Variants in SLC22A31 observed in about 807,000 individuals in gnomAD.
The protein encoded by SLC22A31 is putative solute carrier family 22 member 31.
Under a neutral mutation model 27.4 loss-of-function variants are expected in SLC22A31, and 42 were observed. That is an observed-to-expected ratio of 1.53 (90% CI 1.20 to 1.98). SLC22A31 has a LOEUF of 1.98. SLC22A31 is among the 30% of genes most tolerant of loss of function. The pLI, the probability that SLC22A31 is intolerant of heterozygous loss-of-function variation, is 0.00. For synonymous variants in SLC22A31, 290 were observed against 230.8 expected, an observed-to-expected ratio of 1.26 and a Z score of -2.33; for missense variants, 593 against 479.9, an observed-to-expected ratio of 1.24 and a Z score of -2.20.
rs1242838045 is a variant in SLC22A31, at chr16:89,196,126, TG to T, written c.1213del (p.Gln405SerfsTer63). The T allele has an allele frequency of 2.0e-5, 31 of 1,534,684 alleles. No individual in the cohort carries two copies. In the Admixed American group the frequency reaches 5.3e-4, roughly 26 times the overall value. On this transcript the variant is annotated frameshift_variant, in exon 9 of 9. Transcript: ENST00000682282. LOFTEE classifies it low-confidence loss of function (END_TRUNC). ...CAGGCGGTCGGCGTCCTGCAGTGAC[TG>T]GGGCAGCCCCCGGCTTCGGCTCTCA... The part of the protein sequence containing the change: ...LPESRSRGLP[Q>X]SLQDADRLRR...
At chr16:89,198,049 TG>T in intron 7 of SLC22A31, 72 bp downstream of exon 7, 1 of 1,484,784 alleles carries the variant, frequency 6.7e-7, no homozygotes, top group Non-Finnish European at 9.0e-7. Context: ...GTCGGCACTA[TG>T]GCCCCCTGGT....
chr16:89,201,134 G>A, upstream of SLC22A31: 1 of 377,600 alleles, frequency 2.6e-6, no homozygotes, highest in Non-Finnish European at 4.7e-6. Context: ...CCGCCCCGGA[G>A]CAGGAAGCCC....
At position 89,198,720 on chromosome 16, in the gene SLC22A31, C is replaced by G. The variant is rs1410510796; in HGVS notation, c.530G>C (p.Trp177Ser). The G allele has an allele frequency of 7.2e-6, 11 of 1,535,790 alleles. No individual in the cohort carries two copies. In the East Asian group the frequency reaches 2.0e-4, roughly 27 times the overall value. ...CACGCCACTGGCTTCTGCAAAGCGCCACAGGATCTTCCTGGCTCGAGCTAC... is the reference window on the plus strand; with the variant it reads ...CACGCCACTGGCTTCTGCAAAGCGCGACAGGATCTTCCTGGCTCGAGCTAC... ...GQVARARKIL[W>S]RFAEASGVGP... Residue 177 changes from tryptophan to serine, a missense_variant, in exon 5 of 9, where the codon TGG (tryptophan) becomes TCG (serine). Trp to Ser is a radical substitution (Grantham distance 177). Transcript: ENST00000682282.
rs1157656557 is a variant in SLC22A31 at position 89,195,763 on chromosome 16, C to A, written c.*236G>T. The A allele has an allele frequency of 4.4e-6, 2 of 459,748 alleles. No individual in the cohort carries two copies. The highest frequency in any genetic ancestry group is 7.5e-6 in the Non-Finnish European group (2 of 264,964). 28.5% of individuals were successfully genotyped at this position (459,748 alleles called of 1,614,324 possible). Reference sequence around the variant, plus strand: ...GAAGAACCAGGGAGGACGCCAAGTTCCACAGAAGCCTTTATCCTCCACACC... The same window carrying A: ...GAAGAACCAGGGAGGACGCCAAGTTACACAGAAGCCTTTATCCTCCACACC... On this transcript the variant is annotated 3_prime_UTR_variant, in exon 9 of 9. Transcript: ENST00000682282.
chr16:89,198,880 C>T, intron 4 of SLC22A31, 83 bp from the exon 5 acceptor site: 6 of 1,491,816 alleles, frequency 4.0e-6, no homozygotes, highest in Middle Eastern at 1.7e-4. Context: ...CACCCCACCC[C>T]CAGGCTCAGG....
At chr16:89,196,950 A>C (rs1915993941) in intron 8 of SLC22A31, among the ~76,000 whole-genome samples, 1 of 151,634 alleles carries the variant, frequency 6.6e-6, no homozygotes, top group African/African-American at 2.4e-5. Flanking sequence ...ATCTCAAAAA[A>C]AAAAAAAAAG....
Position 89,196,010 on chromosome 16 carries a change from C to T in SLC22A31, c.1330G>A (p.Glu444Lys), listed in dbSNP as rs751321737. The change falls in exon 9 of 9, where the codon GAG (glutamate) becomes AAG (lysine). Residue 444 changes from glutamate to lysine, a missense_variant. By Grantham distance (56) the Glu-to-Lys change is moderately conservative. Coordinates refer to ENST00000682282, the MANE Select transcript of SLC22A31 (RefSeq NM_001384763.1). ...SNSYWAGHTP[E>K]QH ...GCCACCAGGCAGGACTAGTGCTGCT[C>T]GGGGGTGTGGCCGGCCCAGTAGGAG... 9.3e-6 allele frequency: 14 copies of T among 1,509,678 alleles called. No individual in the cohort carries two copies. In the East Asian group the frequency reaches 9.8e-5, roughly 11 times the overall value. The allele number at this position is 1,509,678 out of a possible 1,614,324, so 93.5% of individuals were successfully genotyped here.
intron 5 of SLC22A31, 35 bp from the exon 6 acceptor site, chr16:89,198,585 G>A: frequency 6.6e-7 from 1 of 1,516,740 alleles, no homozygotes; most frequent in Non-Finnish European, 8.8e-7. Flanking sequence ...AGGGGGGTGA[G>A]GAGCTGTGCC....
chr16:89,199,836 C>G lies in SLC22A31; in HGVS notation c.25-20G>C. The G allele has an allele frequency of 2.5e-6, 1 of 401,956 alleles. No homozygotes were observed. The highest frequency in any genetic ancestry group is 3.6e-5 in the East Asian group (1 of 28,082). 24.9% of individuals were successfully genotyped at this position (401,956 alleles called of 1,614,324 possible). A position where few individuals can be genotyped will look rare whatever the true frequency, so the allele number is the denominator to read the frequency against. On this transcript the variant is annotated intron_variant, in intron 1 of 8. Coordinates refer to ENST00000682282, the MANE Select transcript of SLC22A31 (RefSeq NM_001384763.1). Reference sequence around the variant, plus strand: ...GTTCCACTATGGGGAACAGCAGCCACGTGGAGGCCAGCTCAGGACCCTCCC... The same window carrying G: ...GTTCCACTATGGGGAACAGCAGCCAGGTGGAGGCCAGCTCAGGACCCTCCC...
intron 4 of SLC22A31, 96 bp downstream of exon 4, chr16:89,198,927 C>T: frequency 1.3e-6 from 2 of 1,493,110 alleles, no homozygotes; most frequent in East Asian, 2.5e-5. Flanking sequence ...GACCCTGTAA[C>T]CCATGCGTTT....
chr16:89,197,618 AC>A (rs1916086375), intron 7 of SLC22A31, among the ~76,000 whole-genome samples: 1 of 151,948 alleles, frequency 6.6e-6, no homozygotes, highest in Non-Finnish European at 1.5e-5. Flanking sequence ...TAGAATCCTG[AC>A]CCCGAGCCGC....
At chr16:89,201,476 G>C (rs1322549935), upstream of SLC22A31, 21 of 394,512 alleles carry the variant, frequency 5.3e-5, no homozygotes, top group Non-Finnish European at 9.4e-5. Context: ...GTCCGCGCAG[G>C]GCGCGCAGCG....
Position 89,198,494 on chromosome 16 carries a change from G to A in SLC22A31, c.655C>T (p.Leu219Phe), listed in dbSNP as rs1427338797. Residue 219 changes from leucine to phenylalanine, a missense_variant, in exon 6 of 9, where the codon CTT becomes TTT. Physicochemically the swap from Leu to Phe is conservative, Grantham distance 22. Coordinates refer to ENST00000682282, the MANE Select transcript of SLC22A31 (RefSeq NM_001384763.1). The stretch of plus-strand genomic sequence containing the variant: ...CTCCAGGTGACTCGGGTACGCAGAA[G>A]CCCCAGTGGGGAGTGGTACCGGGGC... ...PQPRYHSPLG[L>F]LRTRVTWRNG... 2 of 1,517,976 alleles carry A rather than the reference G, an allele frequency of 1.3e-6. No homozygotes were observed. Among genetic ancestry groups the A allele is most frequent in the South Asian group, 2.5e-5 (2 of 81,542 alleles). 94.0% of individuals were successfully genotyped at this position (1,517,976 alleles called of 1,614,324 possible). A position where few individuals can be genotyped will look rare whatever the true frequency, so the allele number is the denominator to read the frequency against.
chr16:89,197,330 G>T lies in SLC22A31; in HGVS notation c.1002C>A (p.Leu334=), dbSNP rs1916045695. The T allele has an allele frequency of 6.5e-7, 1 of 1,535,874 alleles. No homozygotes were observed. The highest frequency in any genetic ancestry group is 1.4e-5 in the African/African-American group (1 of 73,166). The change falls in exon 8 of 9, where the codon CTC becomes CTA. Residue 334 remains leucine, a synonymous_variant. Coordinates refer to ENST00000682282, the MANE Select transcript of SLC22A31 (RefSeq NM_001384763.1). ...CCGTGGGGAAGACCTCGGCCGCGAA[G>T]AGGCTGCTGAGTGCGGACACAGCCC... ...ASRAVSALSS[L]FAAEVFPTVI... is the part of the protein sequence containing the mutation.
chr16:89,197,221 C>T (rs1275735234), intron 8 of SLC22A31, 77 bp downstream of exon 8: 1 of 1,131,864 alleles, frequency 8.8e-7, no homozygotes, highest in East Asian at 2.6e-5. Flanking sequence ...GGGGACAGGG[C>T]CTCCTGTCCA....
rs1455195173 is a variant in SLC22A31 at position 89,198,721 on chromosome 16, A to C, written c.529T>G (p.Trp177Gly). The change falls in exon 5 of 9, where the codon TGG becomes GGG. Residue 177 changes from tryptophan (W) to glycine (G), a missense_variant. Physicochemically the swap from Trp to Gly is radical, Grantham distance 184. Transcript: ENST00000682282. ...ACGCCACTGGCTTCTGCAAAGCGCC[A>C]CAGGATCTTCCTGGCTCGAGCTACC... ...GQVARARKIL[W>G]RFAEASGVGP... 1 of 1,535,734 alleles carries C rather than the reference A, an allele frequency of 6.5e-7. No homozygotes were observed. The highest frequency in any genetic ancestry group is 1.2e-5 in the South Asian group (1 of 84,056).
chr16:89,196,389 G>T, intron 8 of SLC22A31, 84 bp from the exon 9 acceptor site: 1 of 784,624 alleles, frequency 1.3e-6, no homozygotes, highest in Non-Finnish European at 1.9e-6. Context: ...CGGCCCCCCT[G>T]TGGGACAGAG....
chr16:89,198,759 AG>A lies in SLC22A31; in HGVS notation c.490del (p.Leu164TrpfsTer6). On this transcript the variant is annotated frameshift_variant, in exon 5 of 9. Transcript: ENST00000682282. LOFTEE classifies it high-confidence loss of function. ...GGCTCGAGCTACCTGACCTGTGGCC[AG>A]CAGCCAGCAGGGAGACTCGGGGAAC... Reference protein sequence around the residue: ...ALFPESPCWLLATGQVARARK... With the variant: ...ALFPESPCWLXATGQVARARK... 1 of 1,534,890 alleles carries A rather than the reference AG, an allele frequency of 6.5e-7. No individual in the cohort carries two copies. The highest frequency in any genetic ancestry group is 8.7e-7 in the Non-Finnish European group (1 of 1,146,016).
intron 7 of SLC22A31, 94 bp from the exon 8 acceptor site, chr16:89,197,503 G>A: frequency 1.2e-6 from 1 of 846,350 alleles, no homozygotes; most frequent in Non-Finnish European, 1.8e-6. Context: ...ACCACTGTCT[G>A]GGGACCCACT....
Sources: allele counts gnomAD v4.1 joint callset (sites outside exome capture counted in the v4.1 genomes callset), GRCh38; gene constraint gnomAD v4.1.1; transcripts MANE v1.5; gene names NCBI Gene and HGNC (gene_info 2026-07-23, HGNC 2026-07-21).